The following WAC variants were observed in gnomAD, a reference collection of about 807,000 sequenced individuals.
WAC encodes the protein WW domain containing adaptor with coiled-coil.
In WAC, 11 loss-of-function variants were observed where a neutral mutation model predicts 79.6. The ratio of observed to expected loss-of-function variants is 0.14; its 90% CI spans 0.09 to 0.23. The LOEUF is 0.23. Ranked by LOEUF, WAC falls within the 10% of genes least tolerant of loss-of-function variation. The probability of loss-of-function intolerance (pLI) is 1.00; values close to 1 mark genes in which losing one functional copy is unlikely to be tolerated. For missense variants in WAC, 728 were observed against 773.5 expected (o/e 0.94, Z 0.70); for synonymous variants, 304 against 276.9 (o/e 1.10, Z -0.97).
At chr10:28,570,332 T>G (rs1243131981) in intron 3 of WAC, among the ~76,000 whole-genome samples, 1 of 152,232 alleles carries the variant, frequency 6.6e-6, no homozygotes, top group Non-Finnish European at 1.5e-5. Flanking sequence ...AAAACTTTTT[T>G]GCTATGCTTA....
chr10:28,569,810 C>CT (rs1286300449), intron 3 of WAC, among the ~76,000 whole-genome samples: 1 of 152,154 alleles, frequency 6.6e-6, no homozygotes, highest in Non-Finnish European at 1.5e-5. Context: ...TAGTACAGTA[C>CT]TTTATAGTAA....
rs1288953015 is a variant in WAC, at chr10:28,583,631, G to A, written c.381+126G>A. 4.9e-6 allele frequency: 3 copies of A among 608,432 alleles called. No homozygotes were observed. The African/African-American group carries it at 5.8e-5, about 12-fold the overall frequency. 37.7% of individuals were successfully genotyped at this position (608,432 alleles called of 1,614,324 possible). On this transcript the variant is annotated intron_variant, in intron 4 of 13. Transcript: ENST00000354911. ...TTTTTTTAAAAATGTTTCAATCACA[G>A]TCTTAATGTGTTTATTTGATATTAT...
At position 28,621,255 on chromosome 10, in the gene WAC, C is replaced by T. The variant is rs1177682754; in HGVS notation, c.*1649C>T. On this transcript the variant is annotated 3_prime_UTR_variant, in exon 14 of 14. Transcript: ENST00000354911. ...TTTTTTCTGTTGGGGCAGATAAGTG[C>T]TTCCAAAACTGGCAGCACCAAGGGC... The T allele has an allele frequency of 8.6e-6, 1 of 116,692 alleles. No individual in the cohort carries two copies. The highest frequency in any genetic ancestry group is 1.6e-5 in the Non-Finnish European group (1 of 60,620). The allele number at this position is 116,692 out of a possible 1,614,324, so 7.2% of individuals were successfully genotyped here.
intron 7 of WAC, among the ~76,000 whole-genome samples, chr10:28,597,111 C>G (rs920690168): frequency 3.3e-5 from 5 of 151,876 alleles, no homozygotes; most frequent in South Asian, 2.1e-4. Flanking sequence ...TTGAATTTTC[C>G]TTGTTATTCA....
At chr10:28,554,351 A>AT (rs887849437) in intron 3 of WAC, among the ~76,000 whole-genome samples, 7 of 152,150 alleles carry the variant, frequency 4.6e-5, no homozygotes, top group Non-Finnish European at 1.0e-4. Flanking sequence ...GTGAAAATGG[A>AT]TTTTTTCAAA....
chr10:28,574,693 C>G (rs1258051142), intron 3 of WAC, among the ~76,000 whole-genome samples: 1 of 152,220 alleles, frequency 6.6e-6, no homozygotes, highest in African/African-American at 2.4e-5. Context: ...ATCCGCTTGC[C>G]TCAGCCTCCC....
intron 7 of WAC, among the ~76,000 whole-genome samples, chr10:28,599,219 CTAAA>C (rs1407616763): frequency 6.6e-6 from 1 of 152,096 alleles, no homozygotes; most frequent in East Asian, 1.9e-4. Flanking sequence ...TTCTTAACAA[CTAAA>C]TAATTTATAT....
Position 28,616,201 on chromosome 10 carries a change from A to C in WAC, c.1585A>C (p.Asn529His), listed in dbSNP as rs1424171892. 1.2e-6 allele frequency: 2 copies of C among 1,609,436 alleles called. No individual in the cohort carries two copies. Among genetic ancestry groups the C allele is most frequent in the Admixed American group, 3.4e-5 (2 of 59,198 alleles). ...CCAGAGAAGTCCATCACCTGGTCCC[A>C]ATCATACTTCTAATAGTAGTAATGC... ...SSQRSPSPGP[N>H]HTSNSSNASN... is the part of the protein sequence containing the mutation. The change falls in exon 12 of 14, where the codon AAT becomes CAT. Residue 529 changes from asparagine to histidine, a missense_variant. By Grantham distance (68) the Asn-to-His change is moderately conservative. This residue lies in a region of WAC where 648 missense variants were observed against 661.5 expected (regional missense o/e 0.98). Coordinates refer to ENST00000354911, the MANE Select transcript of WAC (RefSeq NM_016628.5).
intron 7 of WAC, among the ~76,000 whole-genome samples, chr10:28,598,309 C>G (rs185889383): frequency 6.6e-6 from 1 of 152,332 alleles, no homozygotes; most frequent in Non-Finnish European, 1.5e-5. Context: ...TGTAATTCAT[C>G]TGTTGCAAAC....
At chr10:28,539,014 A>G (rs550604233) in intron 3 of WAC, among the ~76,000 whole-genome samples, 56 of 152,290 alleles carry the variant, frequency 3.7e-4, no homozygotes, top group African/African-American at 1.2e-3. Flanking sequence ...GCATTGAACT[A>G]CTGAATTCAA....
chr10:28,612,023 G>A (rs1158662170), intron 10 of WAC, 101 bp downstream of exon 10: 1 of 1,397,598 alleles, frequency 7.2e-7, no homozygotes, highest in Non-Finnish European at 9.7e-7. Context: ...TGAGAATGAG[G>A]TGTAGTGGTG....
intron 7 of WAC, among the ~76,000 whole-genome samples, chr10:28,604,201 T>G (rs1430322316): frequency 6.6e-6 from 1 of 151,330 alleles, no homozygotes; most frequent in Non-Finnish European, 1.5e-5. Context: ...GTTACGTCGA[T>G]GGAAGTGTAA....
chr10:28,616,178 A>G lies in WAC; in HGVS notation c.1562A>G (p.Gln521Arg). 1 of 1,592,940 alleles carries G rather than the reference A, an allele frequency of 6.3e-7. No homozygotes were observed. The highest frequency in any genetic ancestry group is 8.6e-7 in the Non-Finnish European group (1 of 1,166,370). ...CATTCAATTCTGTTTTCTAGTAGCC[A>G]GAGAAGTCCATCACCTGGTCCCAAT... ...SPRSLQRSSS[Q>R]RSPSPGPNHT... The change falls in exon 12 of 14, where the codon CAG becomes CGG. Residue 521 changes from glutamine to arginine, a missense_variant. Gln to Arg is a conservative substitution (Grantham distance 43). Coordinates refer to ENST00000354911, the MANE Select transcript of WAC (RefSeq NM_016628.5).
At chr10:28,560,942 A>G (rs1838270611) in intron 3 of WAC, among the ~76,000 whole-genome samples, 1 of 152,208 alleles carries the variant, frequency 6.6e-6, no homozygotes, top group African/African-American at 2.4e-5. Context: ...AGACTAGCAA[A>G]TGAGACCGAG....
intron 3 of WAC, among the ~76,000 whole-genome samples, chr10:28,550,671 G>T (rs908542576): frequency 6.6e-6 from 1 of 152,110 alleles, no homozygotes; most frequent in Non-Finnish European, 1.5e-5. Flanking sequence ...ACTTTTAAGT[G>T]CATTTAAGAG....
At chr10:28,584,414 C>T (rs1171910805) in intron 4 of WAC, among the ~76,000 whole-genome samples, 1 of 152,132 alleles carries the variant, frequency 6.6e-6, no homozygotes, top group African/African-American at 2.4e-5. Context: ...GCTAAAGTTA[C>T]AGAGGTAAGT....
intron 3 of WAC, among the ~76,000 whole-genome samples, chr10:28,563,273 C>G (rs2132498741): frequency 6.6e-6 from 1 of 152,196 alleles, no homozygotes; most frequent in South Asian, 2.1e-4. Flanking sequence ...ATTAGTAATA[C>G]CCAGTGTTCC....
At chr10:28,615,327 G>A (rs1163801374) in intron 11 of WAC, 1 of 152,170 alleles carries the variant, frequency 6.6e-6, no homozygotes, top group African/African-American at 2.4e-5. Flanking sequence ...TTCTAAACAA[G>A]CATTTCAGAA....
intron 6 of WAC, among the ~76,000 whole-genome samples, chr10:28,594,728 C>G (rs1373932722): frequency 6.6e-6 from 1 of 152,164 alleles, no homozygotes; most frequent in Admixed American, 6.5e-5. Flanking sequence ...ATACAATAAT[C>G]AACAGAGAGG....
Sources: gnomAD v4.1 joint callset for allele counts (sites outside exome capture counted in the v4.1 genomes callset) on GRCh38, gnomAD v4.1.1 for gene constraint, gnomAD v4.1.1 regional missense constraint, MANE v1.5 for transcripts, NCBI Gene and HGNC (gene_info 2026-07-23, HGNC 2026-07-21) for gene names.